Variants in XG observed in about 807,000 individuals in gnomAD.
XG encodes the protein glycoprotein Xg.
In XG, 24 loss-of-function variants were observed where a neutral mutation model predicts 25.7. The ratio of observed to expected loss-of-function variants is 0.93; its 90% CI spans 0.68 to 1.31. The LOEUF (loss-of-function observed/expected upper bound fraction) is 1.31, where lower values mean the gene tolerates loss of function less well. Among genes scored for constraint, XG ranks in the 40% most tolerant of loss-of-function variants. The probability of loss-of-function intolerance (pLI) is 0.00; values close to 1 mark genes in which losing one functional copy is unlikely to be tolerated. For missense variants in XG, 181 were observed against 187.6 expected (o/e 0.96, Z 0.21); for synonymous variants, 77 against 69.2 (o/e 1.11, Z -0.56).
intron 9 of XG, 76 bp from the exon 10 acceptor site, chrX:2,811,260 C>T (rs79035659): frequency 1.5e-4 from 124 of 822,318 alleles, no homozygotes; most frequent in Non-Finnish European, 2.2e-4. Context: ...ACTTTTGGAC[C>T]AACCTAATAT....
At chrX:2,771,618 C>T (rs1445318776) in intron 2 of XG, among the ~76,000 whole-genome samples, 1 of 152,152 alleles carries the variant, frequency 6.6e-6, no homozygotes, top group African/African-American at 2.4e-5. Context: ...TGGAACCAAA[C>T]ATTTATTTTG....
At chrX:2,760,472 A>C (rs2050538560) in intron 1 of XG, among the ~76,000 whole-genome samples, 2 of 151,294 alleles carry the variant, frequency 1.3e-5, no homozygotes. Flanking sequence ...GCGGTGGCTC[A>C]TGCCTGTAAT....
intron 7 of XG, among the ~76,000 whole-genome samples, chrX:2,801,996 C>T (rs1036658895): frequency 9.9e-5 from 11 of 111,292 alleles, no homozygotes; most frequent in East Asian, 2.8e-4. Context: ...CGTGAGCCAC[C>T]GCGCCCGGCC....
chrX:2,792,105 A>G (rs2086842566), intron 5 of XG, among the ~76,000 whole-genome samples: 1 of 110,930 alleles, frequency 9.0e-6, no homozygotes, highest in South Asian at 3.9e-4. Context: ...CAACATGGTG[A>G]AACCCCATCT....
At chrX:2,766,714 G>A (rs182254608) in intron 1 of XG, among the ~76,000 whole-genome samples, 8,918 of 150,908 alleles carry the variant, frequency 0.059, 706 homozygotes, top group African/African-American at 0.2. Context: ...ACAGGCGCCC[G>A]CCACCACACC....
At chrX:2,777,747 C>T (rs1419117812) in intron 3 of XG, among the ~76,000 whole-genome samples, 1 of 152,034 alleles carries the variant, frequency 6.6e-6, no homozygotes, top group Non-Finnish European at 1.5e-5. Context: ...TGTAAAAAGA[C>T]GGAGATGAGA....
intron 7 of XG, among the ~76,000 whole-genome samples, chrX:2,805,463 C>G (rs2086986536): frequency 9.0e-6 from 1 of 110,684 alleles, no homozygotes; most frequent in Admixed American, 9.6e-5. Context: ...TCCCTGTGTC[C>G]TCACAGGGTC....
intron 7 of XG, among the ~76,000 whole-genome samples, chrX:2,802,506 TG>T (rs1394581764): frequency 9.0e-6 from 1 of 111,283 alleles, no homozygotes; most frequent in Non-Finnish European, 1.9e-5. Flanking sequence ...ATTTGGACAC[TG>T]GGCTTTTTAA....
intron 3 of XG, among the ~76,000 whole-genome samples, chrX:2,780,656 T>G (rs1158940318): frequency 1.3e-5 from 2 of 150,980 alleles, no homozygotes; most frequent in Non-Finnish European, 2.9e-5. Context: ...AGGCGGAGGT[T>G]GCAGGGAGCG....
intron 10 of XG, among the ~76,000 whole-genome samples, chrX:2,812,986 A>G (rs1465032166): frequency 1.8e-5 from 2 of 112,078 alleles, no homozygotes; most frequent in Non-Finnish European, 1.9e-5. Context: ...AATATTTTAG[A>G]AGGAAAATCA....
chrX:2,763,498 G>T (rs999969161), intron 1 of XG, among the ~76,000 whole-genome samples: 1 of 151,912 alleles, frequency 6.6e-6, no homozygotes, highest in African/African-American at 2.4e-5. Context: ...GGGTGGAAGG[G>T]GGGTGAGGGG....
chrX:2,762,295 C>T (rs115297486), intron 1 of XG, among the ~76,000 whole-genome samples: 42 of 151,968 alleles, frequency 2.8e-4, no homozygotes, highest in African/African-American at 9.9e-4. Flanking sequence ...TTCTCATTAC[C>T]AATGTCTGCT....
rs758489809 is a variant in XG, at chrX:2,776,240, C to A, written c.127+1501C>A. Among the ~76,000 whole-genome samples, 9 of 152,040 alleles carry A rather than the reference C, an allele frequency of 5.9e-5. No homozygotes were observed. The East Asian group carries it at 1.7e-3, about 30-fold the overall frequency. On this transcript the variant is annotated intron_variant, in intron 3 of 10. Transcript: ENST00000644266. ...GAAGGGGCTTGATTAACTTTTAGAT[C>A]TTGGTTTAGGAAGGGGAGGGCTGGG...
intron 1 of XG, among the ~76,000 whole-genome samples, chrX:2,770,016 T>TCG (rs1556363304): frequency 6.6e-5 from 3 of 45,574 alleles, no homozygotes; most frequent in African/African-American, 2.6e-4. Flanking sequence ...TGTGCGTGTG[T>TCG]GGAGGGGTGG....
intron 3 of XG, 148 bp from the exon 4 acceptor site, chrX:2,781,918 G>T: frequency 2.0e-6 from 1 of 506,222 alleles, no homozygotes; most frequent in Non-Finnish European, 3.3e-6. Context: ...TTTTTAACCA[G>T]ACAATGGCAA....
intron 1 of XG, among the ~76,000 whole-genome samples, chrX:2,767,357 C>A (rs2050723271): frequency 6.6e-6 from 1 of 152,080 alleles, no homozygotes. Flanking sequence ...ACAGGAGCCA[C>A]TTAATCGACA....
intron 3 of XG, 120 bp downstream of exon 3, chrX:2,774,859 AC>A: frequency 7.6e-7 from 1 of 1,307,284 alleles, no homozygotes; most frequent in Non-Finnish European, 1.1e-6. Context: ...CAACAACTGT[AC>A]CAGATAGCAG....
At chrX:2,801,912 T>G (rs377739763) in intron 7 of XG, among the ~76,000 whole-genome samples, 1 of 110,101 alleles carries the variant, frequency 9.1e-6, no homozygotes, top group Non-Finnish European at 1.9e-5. Flanking sequence ...TTTCACCGTG[T>G]TAGCCAGGAT....
chrX:2,787,410 C>G lies in XG; in HGVS notation c.191-2234C>G, dbSNP rs1391175823. ...TGTGTGAATGGAGGAGGGAAGCTCA[C>G]AGATGAAGGCGTTTTGAGGGAGGAC... On this transcript the variant is annotated intron_variant, in intron 4 of 10. Coordinates refer to ENST00000644266, the MANE Select transcript of XG (RefSeq NM_001141919.2). Among the ~76,000 whole-genome samples the G allele has an allele frequency of 2.7e-5, 3 of 110,880 alleles. No individual in the cohort carries two copies. The East Asian group carries it at 8.6e-4, about 32-fold the overall frequency.
Sources: gnomAD v4.1 joint callset for allele counts (sites outside exome capture counted in the v4.1 genomes callset) on GRCh38, gnomAD v4.1.1 for gene constraint, MANE v1.5 for transcripts, NCBI Gene and HGNC (gene_info 2026-07-23, HGNC 2026-07-21) for gene names.